The following GFRA2 variants were observed in gnomAD, a reference collection of about 807,000 sequenced individuals.
GFRA2 encodes GDNF family receptor alpha 2.
A neutral mutation model predicts 48.3 loss-of-function variants in GFRA2; 17 were observed. The observed-to-expected ratio is 0.35, with a 90% confidence interval of 0.24 to 0.53. GFRA2 has a LOEUF of 0.53. Ranked by LOEUF, GFRA2 falls within the 20% of genes least tolerant of loss-of-function variation. The pLI is 0.93. For missense variants in GFRA2, 660 were observed against 637.3 expected (o/e 1.04, Z -0.38); for synonymous variants, 305 against 257.2 (o/e 1.19, Z -1.78).
chr8:21,808,806 G>A (rs1266826186), intron 1 of GFRA2, among the ~76,000 whole-genome samples: 1 of 152,246 alleles, frequency 6.6e-6, no homozygotes, highest in African/African-American at 2.4e-5. Context: ...TTCAGTGAAG[G>A]CCCTGAAGCC....
At chr8:21,756,254 G>A (rs1805564616) in intron 3 of GFRA2, among the ~76,000 whole-genome samples, 1 of 152,170 alleles carries the variant, frequency 6.6e-6, no homozygotes, top group Admixed American at 6.5e-5. Flanking sequence ...TTGCTAGGGG[G>A]CAGAACGTGT....
chr8:21,779,307 C>T (rs1362103009), intron 2 of GFRA2, among the ~76,000 whole-genome samples: 1 of 152,238 alleles, frequency 6.6e-6, no homozygotes, highest in Non-Finnish European at 1.5e-5. Context: ...CAGCATCGTG[C>T]TCATTTCCCT....
At chr8:21,704,297 C>A (rs529328541) in intron 6 of GFRA2, among the ~76,000 whole-genome samples, 2 of 152,324 alleles carry the variant, frequency 1.3e-5, no homozygotes, top group East Asian at 3.9e-4. Flanking sequence ...CATCCCCATC[C>A]TGGGCTCCTC....
At chr8:21,718,680 T>C (rs577085500) in intron 4 of GFRA2, among the ~76,000 whole-genome samples, 16 of 152,316 alleles carry the variant, frequency 1.1e-4, no homozygotes, top group South Asian at 2.1e-4. Flanking sequence ...TCTGTTAGCA[T>C]AGGGCCACGC....
Position 21,788,194 on chromosome 8 carries a change from C to T in GFRA2, c.-35G>A, listed in dbSNP as rs1274575498. ...ATCCCACCGTTTTTTTGTCTTTCTC[C>T]CTTGGGTAAAAAAAAATAATAGTAG... is the stretch of plus-strand genomic sequence containing the variant. On this transcript the variant is annotated 5_prime_UTR_variant, in exon 1 of 9. Transcript: ENST00000524240. 6.9e-6 allele frequency: 11 copies of T among 1,596,392 alleles called. No homozygotes were observed. In the South Asian group the frequency reaches 1.1e-4, roughly 16 times the overall value.
intron 1 of GFRA2, among the ~76,000 whole-genome samples, chr8:21,784,997 C>T (rs971602679): frequency 7.9e-5 from 12 of 152,180 alleles, no homozygotes; most frequent in African/African-American, 1.9e-4. Flanking sequence ...AGAATATAAC[C>T]CTGGGCCCTC....
chr8:21,738,667 G>T (rs1804603040), intron 4 of GFRA2, among the ~76,000 whole-genome samples: 1 of 152,110 alleles, frequency 6.6e-6, no homozygotes, highest in Non-Finnish European at 1.5e-5. Flanking sequence ...TGTGCCCTCT[G>T]CAAGGAACAG....
At chr8:21,782,933 A>G (rs923920262) in intron 1 of GFRA2, 34 bp from the exon 2 acceptor site, 47 of 1,519,466 alleles carry the variant, frequency 3.1e-5, no homozygotes, top group African/African-American at 4.1e-5. Context: ...AGCATGAATG[A>G]CGGCCGCCAC....
chr8:21,773,843 T>C (rs1468153406), intron 3 of GFRA2, among the ~76,000 whole-genome samples: 1 of 152,198 alleles, frequency 6.6e-6, no homozygotes, highest in Non-Finnish European at 1.5e-5. Flanking sequence ...TCTGGCCCTG[T>C]CTGGGGACAT....
intron 7 of GFRA2, among the ~76,000 whole-genome samples, chr8:21,699,001 A>G (rs1802342448): frequency 6.6e-6 from 1 of 152,024 alleles, no homozygotes; most frequent in Admixed American, 6.5e-5. Context: ...CCTCTTCTGG[A>G]CCCCATCACC....
chr8:21,781,981 G>A (rs1295487643), intron 2 of GFRA2, among the ~76,000 whole-genome samples: 1 of 119,160 alleles, frequency 8.4e-6, no homozygotes, highest in Non-Finnish European at 1.6e-5. Context: ...GGTCAGCCAT[G>A]GGGTCCAGAA....
chr8:21,695,229 G>A (rs1802101208), intron 7 of GFRA2, among the ~76,000 whole-genome samples: 1 of 152,142 alleles, frequency 6.6e-6, no homozygotes, highest in South Asian at 2.1e-4. Context: ...CTGGATGCAG[G>A]GCCAGAGGGC....
chr8:21,757,258 A>G (rs1428300845), intron 3 of GFRA2, among the ~76,000 whole-genome samples: 1 of 152,114 alleles, frequency 6.6e-6, no homozygotes. Context: ...CTCTCCTGTT[A>G]ATTCCTGGAG....
chr8:21,805,979 T>C (rs148860160), intron 1 of GFRA2, among the ~76,000 whole-genome samples: 2,116 of 152,350 alleles, frequency 0.014, 22 homozygotes, highest in Non-Finnish European at 0.023. Context: ...GAAGCCTGTC[T>C]TGGCCAGTCA....
chr8:21,734,570 A>T (rs920158826), intron 4 of GFRA2, among the ~76,000 whole-genome samples: 2 of 152,240 alleles, frequency 1.3e-5, no homozygotes. Flanking sequence ...ATGAAACTAA[A>T]GGTCAAAGAT....
chr8:21,737,996 T>A (rs1585276968), intron 4 of GFRA2, among the ~76,000 whole-genome samples: 1 of 151,832 alleles, frequency 6.6e-6, no homozygotes, highest in South Asian at 2.1e-4. Context: ...ATAATCTCCA[T>A]CCCAAGCCCC....
chr8:21,721,683 A>C (rs1442555687), intron 4 of GFRA2, among the ~76,000 whole-genome samples: 2 of 152,210 alleles, frequency 1.3e-5, no homozygotes, highest in African/African-American at 4.8e-5. Context: ...TGGGAATAAT[A>C]AGAAAAAGGC....
intron 3 of GFRA2, among the ~76,000 whole-genome samples, chr8:21,763,063 A>C (rs555301821): frequency 9.8e-5 from 15 of 152,296 alleles, no homozygotes; most frequent in African/African-American, 3.1e-4. Flanking sequence ...TTCTCACCAT[A>C]AGAAGTCCAC....
rs2279190 is a variant in GFRA2, at chr8:21,788,241, G to T, written c.-82C>A. 2.6e-6 allele frequency: 4 copies of T among 1,552,394 alleles called. No individual in the cohort carries two copies. Among genetic ancestry groups the T allele is most frequent in the Non-Finnish European group, 3.5e-6 (4 of 1,150,360 alleles). ...GTAGTAACAACAACAATAATAATAGGCAAGCAGTGGTAATCAGCCCCAAAT... is the reference window on the plus strand; with the variant it reads ...GTAGTAACAACAACAATAATAATAGTCAAGCAGTGGTAATCAGCCCCAAAT... On this transcript the variant is annotated 5_prime_UTR_variant, in exon 1 of 9. Coordinates refer to ENST00000524240, the MANE Select transcript of GFRA2 (RefSeq NM_001495.5).
Sources: allele counts gnomAD v4.1 joint callset (sites outside exome capture counted in the v4.1 genomes callset), GRCh38; gene constraint gnomAD v4.1.1; transcripts MANE v1.5; gene names NCBI Gene and HGNC (gene_info 2026-07-23, HGNC 2026-07-21).